The following AUTS2 variants were observed in gnomAD, a reference collection of about 807,000 sequenced individuals.
AUTS2 encodes activator of transcription and developmental regulator AUTS2, also known as autism susceptibility gene 2 protein.
Under a neutral mutation model 112.4 loss-of-function variants are expected in AUTS2, and 17 were observed. The observed-to-expected ratio is 0.15, with a 90% CI of 0.10 to 0.23. The LOEUF (loss-of-function observed/expected upper bound fraction) is 0.23. Among genes scored for constraint, AUTS2 ranks in the 10% least tolerant of loss-of-function variants. AUTS2 has a pLI of 1.00. For missense variants in AUTS2, 1,510 were observed against 1,701.6 expected (o/e 0.89, Z 1.98); for synonymous variants, 751 against 702.7 (o/e 1.07, Z -1.09).
intron 5 of AUTS2, among the ~76,000 whole-genome samples, chr7:70,559,237 T>C (rs1000094460): frequency 1.3e-5 from 2 of 152,160 alleles, no homozygotes; most frequent in African/African-American, 4.8e-5. Flanking sequence ...TAAATCTCTT[T>C]TTCTTTATAA....
At chr7:70,621,838 CTTTTTTTT>C (rs67123941) in intron 5 of AUTS2, among the ~76,000 whole-genome samples, 15 of 66,816 alleles carry the variant, frequency 2.2e-4, no homozygotes, top group East Asian at 9.9e-4. Context: ...TAGTCATTCT[CTTTTTTTT>C]TTTTTTTTTT....
chr7:69,889,195 C>T (rs1794411809), intron 1 of AUTS2, among the ~76,000 whole-genome samples: 1 of 152,140 alleles, frequency 6.6e-6, no homozygotes, highest in Non-Finnish European at 1.5e-5. Context: ...CTACCAGGTC[C>T]AGTTCTAATT....
intron 5 of AUTS2, among the ~76,000 whole-genome samples, chr7:70,592,990 C>T (rs1390555513): frequency 2.6e-5 from 4 of 151,826 alleles, no homozygotes; most frequent in South Asian, 2.1e-4. Context: ...GCTGGGACTA[C>T]GGGCACAATC....
At chr7:69,969,673 A>G (rs1252997997) in intron 2 of AUTS2, among the ~76,000 whole-genome samples, 5 of 152,186 alleles carry the variant, frequency 3.3e-5, no homozygotes, top group Non-Finnish European at 7.4e-5. Flanking sequence ...AACTAAAACC[A>G]TCTTTTTTGT....
chr7:70,635,757 A>G (rs896306818), intron 5 of AUTS2, among the ~76,000 whole-genome samples: 4 of 152,160 alleles, frequency 2.6e-5, no homozygotes, highest in Non-Finnish European at 4.4e-5. Flanking sequence ...TTCCCTGCTT[A>G]ACATGACTAA....
At chr7:70,384,086 G>A (rs897318817) in intron 4 of AUTS2, among the ~76,000 whole-genome samples, 7 of 152,250 alleles carry the variant, frequency 4.6e-5, no homozygotes, top group Non-Finnish European at 1.0e-4. Context: ...ACTGGGAAGT[G>A]AAGCTTGACG....
rs926692454 is a variant in AUTS2, at chr7:70,066,511, T to C, written c.523-51621T>C. On this transcript the variant is annotated intron_variant, in intron 2 of 18. Coordinates refer to ENST00000342771, the MANE Select transcript of AUTS2 (RefSeq NM_015570.4). ...TCCTAGTAAAAGTTTAATTTTAAAA[T>C]CTAACTTTACAGATCTATACCCAGT... 7.2e-5 allele frequency among the ~76,000 whole-genome samples: 11 copies of C among 152,002 alleles called. No individual in the cohort carries two copies. The East Asian group carries it at 1.2e-3, about 16-fold the overall frequency.
chr7:69,836,526 AT>A (rs1374164856), intron 1 of AUTS2, among the ~76,000 whole-genome samples: 4 of 152,052 alleles, frequency 2.6e-5, no homozygotes, highest in South Asian at 2.1e-4. Flanking sequence ...TTGTGTGGTG[AT>A]TTTTTTTCTC....
At chr7:70,396,329 T>C (rs1319142130) in intron 4 of AUTS2, among the ~76,000 whole-genome samples, 1 of 152,200 alleles carries the variant, frequency 6.6e-6, no homozygotes, top group Non-Finnish European at 1.5e-5. Context: ...TGTAATCTTA[T>C]AGCGTGTATA....
chr7:70,375,720 G>C (rs918415453), intron 4 of AUTS2, among the ~76,000 whole-genome samples: 4 of 152,166 alleles, frequency 2.6e-5, no homozygotes, highest in African/African-American at 9.7e-5. Flanking sequence ...ATACAAGTGT[G>C]TAAGGTGGGG....
At chr7:70,458,384 T>C (rs1796830835) in intron 5 of AUTS2, among the ~76,000 whole-genome samples, 1 of 152,204 alleles carries the variant, frequency 6.6e-6, no homozygotes, top group Non-Finnish European at 1.5e-5. Context: ...CCTTCTGGTA[T>C]GTTTCTGAGA....
At chr7:69,862,090 A>G (rs997793724) in intron 1 of AUTS2, among the ~76,000 whole-genome samples, 2 of 152,210 alleles carry the variant, frequency 1.3e-5, no homozygotes, top group East Asian at 3.8e-4. Flanking sequence ...AGGACACTCT[A>G]GTTTCTTAAC....
intron 5 of AUTS2, among the ~76,000 whole-genome samples, chr7:70,558,949 G>A (rs1409303500): frequency 2.6e-5 from 4 of 152,226 alleles, no homozygotes; most frequent in Admixed American, 6.5e-5. Flanking sequence ...CATCTGATAT[G>A]GTTTGGCTCT....
intron 2 of AUTS2, among the ~76,000 whole-genome samples, chr7:70,092,867 G>A (rs1584710503): frequency 6.6e-6 from 1 of 152,206 alleles, no homozygotes; most frequent in East Asian, 1.9e-4. Context: ...CCCTCTCCAT[G>A]TCGGCAGAGC....
In AUTS2 at chr7:70,689,782, A is replaced by C. The variant is rs1321879653; in HGVS notation, c.691-8787A>C. On this transcript the variant is annotated intron_variant, in intron 5 of 18. Coordinates refer to ENST00000342771, the MANE Select transcript of AUTS2 (RefSeq NM_015570.4). ...CAGAGCAAGACTCCGTCTCAAAAAA[A>C]AAAAAAAAAAAAAAAAGATGTCGTT... 4.6e-5 allele frequency among the ~76,000 whole-genome samples: 7 copies of C among 151,484 alleles called. No individual in the cohort carries two copies. The East Asian group carries it at 1.4e-3, about 29-fold the overall frequency.
At chr7:69,899,168 C>T in intron 1 of AUTS2, 118 bp from the exon 2 acceptor site, 1 of 730,226 alleles carries the variant, frequency 1.4e-6, no homozygotes, top group Non-Finnish European at 2.3e-6. Flanking sequence ...TCATATCCCA[C>T]TTTCCTATCC....
At chr7:69,888,878 G>A (rs1159988153) in intron 1 of AUTS2, among the ~76,000 whole-genome samples, 1 of 151,910 alleles carries the variant, frequency 6.6e-6, no homozygotes, top group Non-Finnish European at 1.5e-5. Context: ...CCACCCATTG[G>A]GGATATTTCA....
chr7:70,593,937 G>A (rs549181022), intron 5 of AUTS2, among the ~76,000 whole-genome samples: 3 of 152,268 alleles, frequency 2.0e-5, no homozygotes, highest in East Asian at 1.9e-4. Flanking sequence ...CAAGCACAGC[G>A]TCATAGAACA....
chr7:70,512,489 T>C (rs1283525859), intron 5 of AUTS2, among the ~76,000 whole-genome samples: 2 of 152,060 alleles, frequency 1.3e-5, no homozygotes, highest in Non-Finnish European at 2.9e-5. Flanking sequence ...TCCACAGCAC[T>C]TTTCAGATTA....
Sources: allele counts gnomAD v4.1 joint callset (sites outside exome capture counted in the v4.1 genomes callset), GRCh38; gene constraint gnomAD v4.1.1; transcripts MANE v1.5; gene names NCBI Gene and HGNC (gene_info 2026-07-23, HGNC 2026-07-21).